RIMS2: variants seen among roughly 807,000 people sequenced by gnomAD.
RIMS2 encodes the protein regulating synaptic membrane exocytosis protein 2.
A neutral mutation model predicts 174.4 loss-of-function variants in RIMS2; 59 were observed. That is an observed-to-expected ratio of 0.34 (90% CI 0.27 to 0.42). The LOEUF (loss-of-function observed/expected upper bound fraction) is 0.42, where lower values mean the gene tolerates loss of function less well. RIMS2 is among the 10% of genes least tolerant of loss of function. RIMS2 has a pLI of 1.00. For missense variants in RIMS2, 1,620 were observed against 1,666.3 expected (o/e 0.97, Z 0.48); for synonymous variants, 606 against 572.5 (o/e 1.06, Z -0.84).
At position 103,608,653 on chromosome 8, in the gene RIMS2, C is replaced by G. The variant is rs1349362396; in HGVS notation, c.177-88433C>G. Among the ~76,000 whole-genome samples the G allele has an allele frequency of 2.0e-5, 3 of 149,576 alleles. No homozygotes were observed. In the South Asian group the frequency reaches 6.4e-4, roughly 32 times the overall value. On this transcript the variant is annotated intron_variant, in intron 1 of 23. Coordinates refer to ENST00000504942, the Ensembl canonical transcript of RIMS2. The stretch of plus-strand genomic sequence containing the variant: ...CTAGCAATCAGCGAGACTCCGTGGG[C>G]GTAGGACCCTCTGAGCCATGTGCAG...
chr8:103,628,182 A>G (rs962498720), intron 1 of RIMS2, among the ~76,000 whole-genome samples: 4 of 152,206 alleles, frequency 2.6e-5, no homozygotes, highest in African/African-American at 9.7e-5. Flanking sequence ...CTGGTTCCAG[A>G]CAAGTTGGGT....
At chr8:103,919,352 A>G (rs984202462) in intron 9 of RIMS2, among the ~76,000 whole-genome samples, 3 of 152,176 alleles carry the variant, frequency 2.0e-5, no homozygotes, top group African/African-American at 7.2e-5. Context: ...GAATGGAGTG[A>G]GCAAGAGGAA....
chr8:103,519,954 A>G (rs1267188389), intron 1 of RIMS2, among the ~76,000 whole-genome samples: 1 of 152,030 alleles, frequency 6.6e-6, no homozygotes, highest in African/African-American at 2.4e-5. Flanking sequence ...TATGACTGCA[A>G]ATATTGCTTT....
chr8:103,951,044 G>A (rs1338049877), intron 14 of RIMS2, among the ~76,000 whole-genome samples: 1 of 152,154 alleles, frequency 6.6e-6, no homozygotes, highest in African/African-American at 2.4e-5. Flanking sequence ...CTTTATCCCT[G>A]GGATGCAAGA....
chr8:103,635,788 C>T (rs781072823), intron 1 of RIMS2, among the ~76,000 whole-genome samples: 12 of 152,124 alleles, frequency 7.9e-5, no homozygotes, highest in Non-Finnish European at 1.3e-4. Flanking sequence ...AGTCATGTCA[C>T]GCACTCTGAA....
intron 19 of RIMS2, among the ~76,000 whole-genome samples, chr8:104,186,020 A>G (rs930752021): frequency 1.3e-5 from 2 of 151,692 alleles, no homozygotes; most frequent in Non-Finnish European, 3.0e-5. Context: ...TGTGATATAT[A>G]TACATATATA....
At chr8:104,121,409 T>G (rs574484668) in intron 19 of RIMS2, among the ~76,000 whole-genome samples, 1 of 152,248 alleles carries the variant, frequency 6.6e-6, no homozygotes, top group South Asian at 2.1e-4. Context: ...TAGCATGTGG[T>G]ATATCATCTC....
At chr8:103,831,224 C>A (rs1444957788) in intron 3 of RIMS2, among the ~76,000 whole-genome samples, 1 of 152,054 alleles carries the variant, frequency 6.6e-6, no homozygotes, top group African/African-American at 2.4e-5. Flanking sequence ...TGTACTTGTT[C>A]TGTGTTTATT....
intron 13 of RIMS2, among the ~76,000 whole-genome samples, 198 bp downstream of exon 15, chr8:103,936,920 C>A (rs1431510725): frequency 1.3e-5 from 2 of 151,914 alleles, no homozygotes; most frequent in Non-Finnish European, 2.9e-5. Context: ...ATGGTGAAAC[C>A]CCGTCTCTAC....
chr8:103,716,080 GCTT>G lies in RIMS2; in HGVS notation c.387+18785_387+18787del, dbSNP rs1034871253. Among the ~76,000 whole-genome samples, 2 of 151,576 alleles carry G rather than the reference GCTT, an allele frequency of 1.3e-5. 1 individual carries two copies. Among genetic ancestry groups the G allele is most frequent in the Non-Finnish European group, 2.9e-5 (2 of 67,856 alleles). ...CTTAATATATTCTCTTATGTAGCAT[GCTT>G]TTGCTTGAATTGAATGAAATGTATG... On this transcript the variant is annotated intron_variant, in intron 2 of 23. Coordinates refer to ENST00000504942, the Ensembl canonical transcript of RIMS2.
chr8:104,186,675 G>A (rs925233709), intron 19 of RIMS2, among the ~76,000 whole-genome samples: 2 of 151,560 alleles, frequency 1.3e-5, no homozygotes, highest in Admixed American at 6.6e-5. Context: ...AATGCCTTCC[G>A]CTAATTAAAT....
intron 19 of RIMS2, among the ~76,000 whole-genome samples, chr8:104,200,084 T>G (rs1335842795): frequency 6.6e-6 from 1 of 152,136 alleles, no homozygotes; most frequent in Admixed American, 6.5e-5. Flanking sequence ...ATAGGAATGG[T>G]CAGGGCAGGG....
In RIMS2 at chr8:103,539,096, G is replaced by T. The variant is rs114147348; in HGVS notation, c.176+38034G>T. ...TGCCTTTAATCTCAGCTACTTGAGAGGCTGAGGCAGGAGGATCACTTGAGT... is the reference window on the plus strand; with the variant it reads ...TGCCTTTAATCTCAGCTACTTGAGATGCTGAGGCAGGAGGATCACTTGAGT... On this transcript the variant is annotated intron_variant, in intron 1 of 23. Coordinates refer to ENST00000504942, the Ensembl canonical transcript of RIMS2. Among the ~76,000 whole-genome samples, 637 of 152,320 alleles carry T rather than the reference G, an allele frequency of 4.2e-3. 4 individuals carry two copies. The highest frequency in any genetic ancestry group is 0.015 in the African/African-American group (607 of 41,564).
intron 1 of RIMS2, among the ~76,000 whole-genome samples, chr8:103,592,609 C>G (rs924328874): frequency 6.6e-6 from 1 of 151,296 alleles, no homozygotes; most frequent in African/African-American, 2.4e-5. Flanking sequence ...GTCTCCAAGA[C>G]CATTTCAGGA....
intron 1 of RIMS2, among the ~76,000 whole-genome samples, chr8:103,623,078 G>A (rs2095673547): frequency 6.6e-6 from 1 of 152,116 alleles, no homozygotes; most frequent in Admixed American, 6.6e-5. Flanking sequence ...TGCAGGTGAT[G>A]GCAAATTTGA....
At chr8:103,629,411 C>T (rs112300401) in intron 1 of RIMS2, among the ~76,000 whole-genome samples, 24 of 152,272 alleles carry the variant, frequency 1.6e-4, no homozygotes, top group East Asian at 1.2e-3. Flanking sequence ...AGATTGACTT[C>T]GGGATAACAC....
At chr8:103,865,195 AATT>A (rs1421616339) in intron 3 of RIMS2, among the ~76,000 whole-genome samples, 2 of 151,708 alleles carry the variant, frequency 1.3e-5, no homozygotes, top group South Asian at 2.1e-4. Flanking sequence ...AAGTCTCATG[AATT>A]ATTATAACTT....
chr8:103,623,672 G>T (rs1305542037), intron 1 of RIMS2, among the ~76,000 whole-genome samples: 1 of 151,372 alleles, frequency 6.6e-6, no homozygotes, highest in African/African-American at 2.4e-5. Context: ...TGTATTTTTA[G>T]TAGAGACGGG....
intron 14 of RIMS2, among the ~76,000 whole-genome samples, chr8:103,957,474 G>A (rs1186885371): frequency 6.6e-6 from 1 of 152,164 alleles, no homozygotes; most frequent in Non-Finnish European, 1.5e-5. Context: ...GGATGGCATT[G>A]GAAACCATCA....
Sources: allele counts gnomAD v4.1 joint callset (sites outside exome capture counted in the v4.1 genomes callset), GRCh38; gene constraint gnomAD v4.1.1; transcripts MANE v1.5; gene names NCBI Gene and HGNC (gene_info 2026-07-23, HGNC 2026-07-21).